Variants in ANO10 observed in about 807,000 individuals in gnomAD.
The protein encoded by ANO10 is anoctamin 10, also known as anoctamin-10.
In ANO10, 77 loss-of-function variants were observed where a neutral mutation model predicts 74.7. The ratio of observed to expected loss-of-function variants is 1.03; its 90% confidence interval spans 0.86 to 1.25. ANO10 has a LOEUF of 1.25. ANO10 is among the 50% of genes most tolerant of loss of function. ANO10 has a pLI of 0.00. For missense variants in ANO10, 721 were observed against 778.1 expected (o/e 0.93, Z 0.87); for synonymous variants, 279 against 284.9 (o/e 0.98, Z 0.21).
rs1242645842 is a variant in ANO10 at position 43,569,063 on chromosome 3, C to T, written c.1219-3336G>A. Among the ~76,000 whole-genome samples, 9 of 140,558 alleles carry T rather than the reference C, an allele frequency of 6.4e-5. No individual in the cohort carries two copies. In the East Asian group the frequency reaches 8.0e-4, roughly 13 times the overall value. The allele number at this position is 140,558 out of a possible 152,430, so 92.2% of individuals were successfully genotyped here. ...TCAGAGAATACTACAAACACCTCTA[C>T]GCAAATAAACTAGAAAATCTAGAAG... On this transcript the variant is annotated intron_variant, in intron 7 of 12. Coordinates refer to ENST00000292246, the MANE Select transcript of ANO10 (RefSeq NM_018075.5).
At chr3:43,598,461 A>C in intron 4 of ANO10, 71 bp downstream of exon 4, 1 of 1,465,346 alleles carries the variant, frequency 6.8e-7, no homozygotes, top group South Asian at 1.2e-5. Flanking sequence ...CTTCTGTAAG[A>C]GGGAAAAAAG....
chr3:43,532,525 AT>A, intron 11 of ANO10, among the ~76,000 whole-genome samples: 1 of 152,298 alleles, frequency 6.6e-6, no homozygotes, highest in South Asian at 2.1e-4. Flanking sequence ...ATGTATCTTT[AT>A]TTGCAGAGAT....
At chr3:43,395,546 C>G (rs574410147) in intron 12 of ANO10, among the ~76,000 whole-genome samples, 17 of 152,148 alleles carry the variant, frequency 1.1e-4, no homozygotes, top group Non-Finnish European at 2.2e-4. Flanking sequence ...AAAGACTATT[C>G]TCTACTGCAT....
intron 11 of ANO10, among the ~76,000 whole-genome samples, chr3:43,530,865 C>G (rs559950577): frequency 3.3e-5 from 5 of 152,128 alleles, no homozygotes; most frequent in Admixed American, 6.5e-5. Context: ...TGCAGATAAG[C>G]TGGGACTAAT....
At chr3:43,473,309 C>T (rs1487503775) in intron 11 of ANO10, among the ~76,000 whole-genome samples, 1 of 152,048 alleles carries the variant, frequency 6.6e-6, no homozygotes, top group Non-Finnish European at 1.5e-5. Flanking sequence ...GGCCTGATTC[C>T]ATGCCCAGCG....
At chr3:43,597,910 T>C (rs943953392) in intron 4 of ANO10, among the ~76,000 whole-genome samples, 1 of 151,784 alleles carries the variant, frequency 6.6e-6, no homozygotes, top group East Asian at 1.9e-4. Flanking sequence ...AGAGCAAGAC[T>C]GTCTCAAAAA....
chr3:43,651,713 C>T (rs1010930262), intron 1 of ANO10, among the ~76,000 whole-genome samples: 2 of 152,188 alleles, frequency 1.3e-5, no homozygotes, highest in Non-Finnish European at 2.9e-5. Flanking sequence ...ATCATGCCTT[C>T]AACCATTCTA....
chr3:43,455,477 C>A lies in ANO10; in HGVS notation c.1798-22750G>T, dbSNP rs574315113. On this transcript the variant is annotated intron_variant, in intron 11 of 12. Transcript: ENST00000292246. ...AGGTACGTGTATTAGAGAGGTTCTG[C>A]AGAGAGAGGGGGTGAGTCAGGCCCT... Among the ~76,000 whole-genome samples the A allele has an allele frequency of 1.8e-3, 275 of 151,676 alleles. 1 individual carries two copies. The highest frequency in any genetic ancestry group is 6.3e-3 in the African/African-American group (261 of 41,316).
intron 12 of ANO10, among the ~76,000 whole-genome samples, chr3:43,412,699 C>T (rs1459843575): frequency 6.6e-6 from 1 of 152,100 alleles, no homozygotes; most frequent in Non-Finnish European, 1.5e-5. Context: ...GTGCTATGAT[C>T]TCAAAAAAAA....
chr3:43,511,577 T>C (rs2077509676), intron 11 of ANO10, among the ~76,000 whole-genome samples: 1 of 152,236 alleles, frequency 6.6e-6, no homozygotes, highest in African/African-American at 2.4e-5. Flanking sequence ...TTTGTTTTTC[T>C]GCTTATGTCT....
chr3:43,633,187 T>G (rs531066513), intron 1 of ANO10, among the ~76,000 whole-genome samples: 5 of 152,330 alleles, frequency 3.3e-5, no homozygotes, highest in African/African-American at 1.2e-4. Context: ...CAAAAGTTAT[T>G]GCGGTTTTTG....
chr3:43,517,920 G>C (rs1253871832), intron 11 of ANO10, among the ~76,000 whole-genome samples: 1 of 152,148 alleles, frequency 6.6e-6, no homozygotes, highest in Non-Finnish European at 1.5e-5. Flanking sequence ...TTGTGGGCTG[G>C]TAAAAAATAC....
chr3:43,480,588 A>G (rs992380632), intron 11 of ANO10, among the ~76,000 whole-genome samples: 1 of 152,158 alleles, frequency 6.6e-6, no homozygotes, highest in Non-Finnish European at 1.5e-5. Context: ...ATTCCAAACT[A>G]TCTCTCATGA....
chr3:43,610,908 C>T (rs1246251865), intron 1 of ANO10, among the ~76,000 whole-genome samples: 1 of 152,018 alleles, frequency 6.6e-6, no homozygotes, highest in Non-Finnish European at 1.5e-5. Flanking sequence ...TGAAATGAAC[C>T]CCAAAAGAAC....
intron 11 of ANO10, among the ~76,000 whole-genome samples, chr3:43,486,386 A>G (rs1296371950): frequency 6.6e-6 from 1 of 151,582 alleles, no homozygotes; most frequent in East Asian, 1.9e-4. Flanking sequence ...GAATCTGTAA[A>G]TTACCTTGGG....
At chr3:43,642,255 T>C (rs978755748) in intron 1 of ANO10, among the ~76,000 whole-genome samples, 3 of 152,226 alleles carry the variant, frequency 2.0e-5, no homozygotes, top group Admixed American at 2.0e-4. Flanking sequence ...TGTTTTTGCC[T>C]CTCTTTTCTG....
At chr3:43,550,032 T>G (rs2079387485) in intron 10 of ANO10, among the ~76,000 whole-genome samples, 184 bp from the exon 11 acceptor site, 1 of 152,204 alleles carries the variant, frequency 6.6e-6, no homozygotes, top group Non-Finnish European at 1.5e-5. Flanking sequence ...GCCATACTGT[T>G]AGGCAGTATT....
chr3:43,604,240 CCTT>C (rs760295253), intron 2 of ANO10, among the ~76,000 whole-genome samples: 8 of 151,964 alleles, frequency 5.3e-5, no homozygotes, highest in Non-Finnish European at 4.4e-5. Flanking sequence ...TCAATATCCT[CCTT>C]CTAGCTATTT....
intron 11 of ANO10, among the ~76,000 whole-genome samples, chr3:43,544,967 G>A (rs951780075): frequency 2.0e-5 from 3 of 151,960 alleles, no homozygotes; most frequent in South Asian, 2.1e-4. Context: ...TTTCTAAGTC[G>A]TGTTTGTTCT....
Sources: gnomAD v4.1 joint callset for allele counts (sites outside exome capture counted in the v4.1 genomes callset) on GRCh38, gnomAD v4.1.1 for gene constraint, MANE v1.5 for transcripts, NCBI Gene and HGNC (gene_info 2026-07-23, HGNC 2026-07-21) for gene names.